The following CNNM2 variants were observed in gnomAD, a reference collection of about 807,000 sequenced individuals.
CNNM2 encodes metal transporter CNNM2.
In CNNM2, 12 loss-of-function variants were observed where a neutral mutation model predicts 66.9. The ratio of observed to expected loss-of-function variants is 0.18; its 90% CI spans 0.11 to 0.29. CNNM2 has a LOEUF of 0.29. Among genes scored for constraint, CNNM2 ranks in the 10% least tolerant of loss-of-function variants. The pLI is 1.00. For missense variants in CNNM2, 705 were observed against 1,167.7 expected (o/e 0.60, Z 5.77); for synonymous variants, 557 against 501.8 (o/e 1.11, Z -1.47).
chr10:103,000,300 A>G (rs143687196), intron 1 of CNNM2, among the ~76,000 whole-genome samples: 1 of 152,034 alleles, frequency 6.6e-6, no homozygotes, highest in Non-Finnish European at 1.5e-5. Flanking sequence ...AATAGCTGCT[A>G]TAGAAAACTG....
intron 1 of CNNM2, among the ~76,000 whole-genome samples, chr10:103,035,688 T>C (rs1024497518): frequency 6.6e-6 from 1 of 152,160 alleles, no homozygotes; most frequent in Non-Finnish European, 1.5e-5. Flanking sequence ...GCAGCAAGAC[T>C]GAAGAACAAG....
chr10:103,058,920 T>A (rs2065338787), intron 4 of CNNM2, among the ~76,000 whole-genome samples: 1 of 152,224 alleles, frequency 6.6e-6, no homozygotes, highest in African/African-American at 2.4e-5. Flanking sequence ...TGGAAGTTCA[T>A]GCCACTTTAG....
At chr10:102,956,625 G>A (rs1167416832) in intron 1 of CNNM2, among the ~76,000 whole-genome samples, 3 of 152,264 alleles carry the variant, frequency 2.0e-5, no homozygotes, top group Admixed American at 6.5e-5. Flanking sequence ...ATACACCATC[G>A]AATACTGTGC....
chr10:102,922,937 CAA>C (rs60845072), intron 1 of CNNM2, among the ~76,000 whole-genome samples: 47 of 89,526 alleles, frequency 5.2e-4, no homozygotes, highest in Admixed American at 7.8e-4. Context: ...GACCCTGTCT[CAA>C]AAAAAAAAAA....
intron 1 of CNNM2, among the ~76,000 whole-genome samples, chr10:103,031,547 G>A (rs540268363): frequency 2.0e-5 from 3 of 152,248 alleles, no homozygotes; most frequent in South Asian, 2.1e-4. Flanking sequence ...TCTGCAAGTA[G>A]AAGAGCATGA....
At chr10:103,075,562 G>T (rs1564872749) in intron 6 of CNNM2, among the ~76,000 whole-genome samples, 1 of 152,184 alleles carries the variant, frequency 6.6e-6, no homozygotes, top group Non-Finnish European at 1.5e-5. Context: ...GGATTTTACT[G>T]GGGTCAGAGA....
intron 1 of CNNM2, among the ~76,000 whole-genome samples, chr10:102,959,383 A>G (rs372132869): frequency 2.0e-5 from 3 of 152,196 alleles, no homozygotes; most frequent in East Asian, 3.8e-4. Flanking sequence ...TATCTGGTCT[A>G]TATCTGGAAT....
intron 1 of CNNM2, among the ~76,000 whole-genome samples, chr10:102,952,165 T>C (rs1846863203): frequency 6.6e-6 from 1 of 152,078 alleles, no homozygotes; most frequent in Non-Finnish European, 1.5e-5. Flanking sequence ...TGTCTTGAAC[T>C]CCTGGGCTCA....
At chr10:102,976,208 T>A (rs2063626600) in intron 1 of CNNM2, among the ~76,000 whole-genome samples, 1 of 152,092 alleles carries the variant, frequency 6.6e-6, no homozygotes, top group Non-Finnish European at 1.5e-5. Flanking sequence ...TTACAAAATC[T>A]TTGGAGGGAG....
chr10:102,966,281 G>A (rs1327529307), intron 1 of CNNM2, among the ~76,000 whole-genome samples: 1 of 152,146 alleles, frequency 6.6e-6, no homozygotes, highest in Non-Finnish European at 1.5e-5. Flanking sequence ...GTGAAAGGTG[G>A]GTTAGTATGA....
rs142110015 is a variant in CNNM2 at position 103,027,077 on chromosome 10, A to C, written c.1622-22630A>C. Among the ~76,000 whole-genome samples, 901 of 152,328 alleles carry C rather than the reference A, an allele frequency of 5.9e-3. 7 individuals carry two copies. Among genetic ancestry groups the C allele is most frequent in the African/African-American group, 0.02 (850 of 41,572 alleles). On this transcript the variant is annotated intron_variant, in intron 1 of 7. Transcript: ENST00000369878. Reference sequence around the variant, plus strand: ...ATGTCAAGGTTGGTATGGCCATTGCACATAATTTATTATTTCATTGGCTTT... The same window carrying C: ...ATGTCAAGGTTGGTATGGCCATTGCCCATAATTTATTATTTCATTGGCTTT...
intron 4 of CNNM2, among the ~76,000 whole-genome samples, chr10:103,059,387 T>G (rs2065347106): frequency 6.6e-6 from 1 of 152,188 alleles, no homozygotes; most frequent in Admixed American, 6.5e-5. Flanking sequence ...TTTAAGTAAT[T>G]GATAGGAATA....
At chr10:102,976,768 T>G (rs2134224383) in intron 1 of CNNM2, among the ~76,000 whole-genome samples, 1 of 151,908 alleles carries the variant, frequency 6.6e-6, no homozygotes, top group South Asian at 2.1e-4. Flanking sequence ...GCGCTTGCCC[T>G]GTCCACTACT....
intron 4 of CNNM2, among the ~76,000 whole-genome samples, chr10:103,061,508 G>T (rs2065385799): frequency 6.6e-6 from 1 of 152,084 alleles, no homozygotes; most frequent in South Asian, 2.1e-4. Flanking sequence ...CATAATTGAT[G>T]TGATAAAAGG....
rs2065703142 is a variant in CNNM2 at position 103,076,961 on chromosome 10, C to T, written c.2419-10C>T. On this transcript the variant is annotated splice_polypyrimidine_tract_variant and intron_variant, in intron 7 of 7. Transcript: ENST00000369878. The stretch of plus-strand genomic sequence containing the variant: ...CTTGGTTTGTTTTCTGTGCCATCTT[C>T]TGGCCCCAGATCTCAAGACAGCAAT... The T allele has an allele frequency of 6.2e-7, 1 of 1,612,646 alleles. No homozygotes were observed. The highest frequency in any genetic ancestry group is 1.3e-5 in the African/African-American group (1 of 74,926).
chr10:102,921,087 A>G (rs1845616530), intron 1 of CNNM2: 1 of 970,890 alleles, frequency 1.0e-6, no homozygotes, highest in African/African-American at 1.8e-5. Flanking sequence ...CATCATTTAT[A>G]TTTGTTCGTT....
chr10:102,983,481 G>A (rs1166984156), intron 1 of CNNM2, among the ~76,000 whole-genome samples: 1 of 151,548 alleles, frequency 6.6e-6, no homozygotes, highest in East Asian at 1.9e-4. Flanking sequence ...CCAACATGGT[G>A]AAACCCTGTC....
chr10:102,996,069 T>C (rs975941253), intron 1 of CNNM2, among the ~76,000 whole-genome samples: 2 of 152,226 alleles, frequency 1.3e-5, no homozygotes, highest in African/African-American at 4.8e-5. Context: ...TATAGAATTA[T>C]CGTATTATCC....
At chr10:103,039,485 A>G (rs567277507) in intron 1 of CNNM2, among the ~76,000 whole-genome samples, 1 of 152,314 alleles carries the variant, frequency 6.6e-6, no homozygotes, top group East Asian at 1.9e-4. Flanking sequence ...TGCAAGGCAC[A>G]TATCAGCATT....
Sources: gnomAD v4.1 joint callset for allele counts (sites outside exome capture counted in the v4.1 genomes callset) on GRCh38, gnomAD v4.1.1 for gene constraint, MANE v1.5 for transcripts, NCBI Gene and HGNC (gene_info 2026-07-23, HGNC 2026-07-21) for gene names.